SPATA13: variants seen among roughly 807,000 people sequenced by gnomAD.
SPATA13 encodes spermatogenesis-associated protein 13.
Under a neutral mutation model 104.0 loss-of-function variants are expected in SPATA13, and 50 were observed. That is an observed-to-expected ratio of 0.48 (90% CI 0.38 to 0.61). The LOEUF is 0.61. SPATA13 is among the 20% of genes least tolerant of loss of function. SPATA13 has a pLI of 0.00. For missense variants in SPATA13, 1,524 were observed against 1,690.6 expected, an observed-to-expected ratio of 0.90 and a Z score of 1.73; for synonymous variants, 606 against 667.5, an observed-to-expected ratio of 0.91 and a Z score of 1.42.
At chr13:24,166,462 C>T (rs1566129169) in intron 1 of SPATA13, among the ~76,000 whole-genome samples, 2 of 152,072 alleles carry the variant, frequency 1.3e-5, no homozygotes, top group South Asian at 4.1e-4. Context: ...TGGGGGACGG[C>T]GTAAACAGAG....
At position 24,142,681 on chromosome 13, in the gene SPATA13, T is replaced by G. The variant is rs7336612; in HGVS notation, c.-111-80138T>G. ...TTCCTCTTCCTCATCCTTCTTCCTC[T>G]TCCTCTTCCTCTTCCTTCTTTTTCC... is the stretch of plus-strand genomic sequence containing the variant. On this transcript the variant is annotated intron_variant, in intron 3 of 14. Coordinates refer to the SPATA13 transcript ENST00000424834. 2.3e-3 allele frequency among the ~76,000 whole-genome samples: 356 copies of G among 152,278 alleles called. 2 individuals are homozygous for G. The highest frequency in any genetic ancestry group is 8.3e-3 in the African/African-American group (343 of 41,550).
At chr13:24,235,494 T>C (rs2138634160) in intron 2 of SPATA13, among the ~76,000 whole-genome samples, 1 of 152,310 alleles carries the variant, frequency 6.6e-6, no homozygotes, top group East Asian at 1.9e-4. Flanking sequence ...ACGTGGTGGC[T>C]CATGCCTATA....
rs764545013 is a variant in SPATA13, at chr13:24,302,750, A to C, written c.3811A>C (p.Arg1271=). 12 of 1,614,042 alleles carry C rather than the reference A, an allele frequency of 7.4e-6. No homozygotes were observed. The highest frequency in any genetic ancestry group is 1.7e-6 in the Non-Finnish European group (2 of 1,180,042). Residue 1271 remains arginine, a synonymous_variant, in exon 13 of 13, where the codon AGG becomes CGG. Transcript: ENST00000382108. ...KSSLFWHTFN[R]LTPFRK is the part of the protein sequence containing the mutation. The stretch of plus-strand genomic sequence containing the variant: ...CTCGCTCTTCTGGCACACCTTCAAC[A>C]GGCTCACCCCCTTCCGGAAATGAAA...
chr13:24,000,493 GC>G (rs1875906141), intron 2 of SPATA13, among the ~76,000 whole-genome samples: 1 of 152,152 alleles, frequency 6.6e-6, no homozygotes, highest in African/African-American at 2.4e-5. Flanking sequence ...GGCAGATAGA[GC>G]CCTTGCCATC....
At chr13:23,999,598 A>C (rs1183638202) in intron 2 of SPATA13, among the ~76,000 whole-genome samples, 1 of 64,594 alleles carries the variant, frequency 1.5e-5, no homozygotes, top group Non-Finnish European at 3.3e-5. Context: ...CTCCAGGCTC[A>C]GGGTGGATTC....
chr13:24,235,240 A>C (rs1260079542), intron 2 of SPATA13, among the ~76,000 whole-genome samples: 1 of 152,206 alleles, frequency 6.6e-6, no homozygotes, highest in African/African-American at 2.4e-5. Flanking sequence ...AAAGCTACTG[A>C]ATTAGAGTCC....
At chr13:24,073,814 G>T (rs1214877506) in intron 3 of SPATA13, among the ~76,000 whole-genome samples, 2 of 152,194 alleles carry the variant, frequency 1.3e-5, no homozygotes, top group Non-Finnish European at 2.9e-5. Context: ...ATGTGGGAGG[G>T]AGAAATAGTC....
chr13:24,115,371 C>A (rs1217917834), intron 3 of SPATA13, among the ~76,000 whole-genome samples: 1 of 152,246 alleles, frequency 6.6e-6, no homozygotes, highest in Non-Finnish European at 1.5e-5. Context: ...TGTTAGGAAC[C>A]TGACTGCGCA....
chr13:24,262,623 C>T (rs972500668), intron 4 of SPATA13, among the ~76,000 whole-genome samples: 4 of 152,192 alleles, frequency 2.6e-5, no homozygotes, highest in African/African-American at 4.8e-5. Context: ...ATCTCAAAGT[C>T]TTCATGTCTT....
intron 3 of SPATA13, among the ~76,000 whole-genome samples, chr13:24,029,915 G>A (rs1566078509): frequency 6.6e-6 from 1 of 152,048 alleles, no homozygotes; most frequent in Non-Finnish European, 1.5e-5. Flanking sequence ...TAAGGATAAT[G>A]GCCTCCAGCT....
intron 3 of SPATA13, among the ~76,000 whole-genome samples, chr13:24,044,844 C>A (rs1415646929): frequency 7.4e-6 from 1 of 134,784 alleles, no homozygotes; most frequent in Non-Finnish European, 1.5e-5. Flanking sequence ...CTGAAAATAT[C>A]CATCTCCTGG....
chr13:24,040,357 C>G (rs1226949633), intron 3 of SPATA13, among the ~76,000 whole-genome samples: 1 of 152,172 alleles, frequency 6.6e-6, no homozygotes, highest in Non-Finnish European at 1.5e-5. Flanking sequence ...CTGAGGCCTC[C>G]CAGGTGGTAC....
intron 3 of SPATA13, among the ~76,000 whole-genome samples, chr13:24,067,520 T>C (rs1341602974): frequency 6.6e-6 from 1 of 152,210 alleles, no homozygotes; most frequent in Non-Finnish European, 1.5e-5. Flanking sequence ...AAGAAAGTTA[T>C]ATAAGTAAAT....
intron 3 of SPATA13, among the ~76,000 whole-genome samples, chr13:24,046,657 G>A (rs2137736077): frequency 6.6e-6 from 1 of 151,842 alleles, no homozygotes; most frequent in East Asian, 1.9e-4. Flanking sequence ...GATGTCCAAT[G>A]TATAATACCG....
rs1352438122 is a variant in SPATA13, at chr13:24,161,796, T to C, written c.-112+864T>C. Among the ~76,000 whole-genome samples the C allele has an allele frequency of 1.3e-5, 2 of 152,204 alleles. No individual in the cohort carries two copies. Among genetic ancestry groups the C allele is most frequent in the African/African-American group, 4.8e-5 (2 of 41,450 alleles). On this transcript the variant is annotated intron_variant, in intron 1 of 12. Transcript: ENST00000382108. This position sits in a 1 kb window ranked among gnomAD's most constrained non-coding sequence, Gnocchi z 4.5. ...GAATAATACTGTGAATTTATTCAGC[T>C]CTTGTTCCCATGGCTTCCCATAGCC...
rs186748454 is a variant in SPATA13, at chr13:23,981,876, T to C, written c.-353-1851T>C. On this transcript the variant is annotated intron_variant, in intron 1 of 14. Coordinates refer to the SPATA13 transcript ENST00000424834. ...AAGTGAATTTCTTAAAAACAATAAC[T>C]GTGATGCAATTTTCTTTTTGGTTGA... Among the ~76,000 whole-genome samples, 114 of 152,346 alleles carry C rather than the reference T, an allele frequency of 7.5e-4. 2 individuals are homozygous for C. The highest frequency in any genetic ancestry group is 3.3e-3 in the Admixed American group (50 of 15,310).
intron 3 of SPATA13, among the ~76,000 whole-genome samples, chr13:24,082,317 G>A (rs569571839): frequency 2.6e-5 from 4 of 152,288 alleles, no homozygotes; most frequent in Admixed American, 1.3e-4. Context: ...TGCTGAGCTC[G>A]GAGTGATTTG....
intron 11 of SPATA13, among the ~76,000 whole-genome samples, chr13:24,298,127 A>C (rs4542512): frequency 6.6e-6 from 1 of 152,278 alleles, no homozygotes; most frequent in African/African-American, 2.4e-5. Flanking sequence ...TGGATGCCAC[A>C]TGCAGGGTAT....
At position 24,224,416 on chromosome 13, in the gene SPATA13, C is replaced by T. The variant is rs901083088; in HGVS notation, c.1487C>T (p.Ala496Val). The T allele has an allele frequency of 2.4e-5, 38 of 1,551,688 alleles. No homozygotes were observed. The highest frequency in any genetic ancestry group is 3.6e-5 in the South Asian group (3 of 84,052). ...CACAGCAATCACAGTGCCCTGTCCGCGAATTCAGAGGAAAGTGAAGGAAGG... is the reference window on the plus strand; with the variant it reads ...CACAGCAATCACAGTGCCCTGTCCGTGAATTCAGAGGAAAGTGAAGGAAGG... ...SCHSNHSALS[A>V]NSEESEGRAE... The change falls in exon 2 of 13, where the codon GCG (alanine) becomes GTG (valine). Residue 496 changes from alanine to valine, a missense_variant. Around this residue, in one of 2 missense-constraint regions of SPATA13, gnomAD observed 1,089 missense variants for 1,135.9 expected, o/e 0.96. Transcript: ENST00000382108.
Sources: allele counts gnomAD v4.1 joint callset (sites outside exome capture counted in the v4.1 genomes callset), GRCh38; gene constraint gnomAD v4.1.1; regional missense constraint gnomAD v4.1.1; non-coding constraint Gnocchi (gnomAD v3.1); transcripts MANE v1.5; gene names NCBI Gene and HGNC (gene_info 2026-07-23, HGNC 2026-07-21).